Variants in NEURL1 observed in about 807,000 individuals in gnomAD.
NEURL1 encodes the protein E3 ubiquitin-protein ligase NEURL1.
Under a neutral mutation model 41.2 loss-of-function variants are expected in NEURL1, and 26 were observed. That is an observed-to-expected ratio of 0.63 (90% CI 0.46 to 0.87). The LOEUF (loss-of-function observed/expected upper bound fraction) is 0.87. Ranked by LOEUF, NEURL1 falls within the 40% of genes least tolerant of loss-of-function variation. NEURL1 has a pLI of 0.00. For synonymous variants in NEURL1, 400 were observed against 402.3 expected, an observed-to-expected ratio of 0.99 and a Z score of 0.07; for missense variants, 761 against 871.1, an observed-to-expected ratio of 0.87 and a Z score of 1.59.
rs923450362 is a variant in NEURL1 at position 103,545,458 on chromosome 10, T to C, written c.86-25414T>C. Among the ~76,000 whole-genome samples the C allele has an allele frequency of 2.0e-5, 3 of 152,192 alleles. No individual in the cohort carries two copies. Among genetic ancestry groups the C allele is most frequent in the Admixed American group, 6.5e-5 (1 of 15,282 alleles). On this transcript the variant is annotated intron_variant, in intron 1 of 5. Transcript: ENST00000369780. The surrounding 1 kb of genome is among the most constrained non-coding windows in gnomAD (Gnocchi z 4.5). ...GTGTAGTAGCAGGGGACAGAGTTCC[T>C]TCCTGGACTCAGTGGGGATGAGAGC...
chr10:103,554,787 G>A (rs1413550406), intron 1 of NEURL1, among the ~76,000 whole-genome samples: 1 of 152,202 alleles, frequency 6.6e-6, no homozygotes, highest in Admixed American at 6.5e-5. Context: ...AGCTCCATCA[G>A]CTTGATTGTG....
In NEURL1 at chr10:103,590,651, G is replaced by T; in HGVS notation, c.*279G>T. 2.1e-6 allele frequency: 1 copy of T among 479,838 alleles called. No individual in the cohort carries two copies. The highest frequency in any genetic ancestry group is 3.8e-5 in the East Asian group (1 of 26,406). 29.7% of individuals were successfully genotyped at this position (479,838 alleles called of 1,614,324 possible). A position where few individuals can be genotyped will look rare whatever the true frequency, so the allele number is the denominator to read the frequency against. On this transcript the variant is annotated 3_prime_UTR_variant, in exon 6 of 6. Coordinates refer to ENST00000369780, the MANE Select transcript of NEURL1 (RefSeq NM_004210.5). Reference sequence around the variant, plus strand: ...CCCAGCTCCTCTCTGCATGCTGAGGGCTAAATTGGGATCTCAGCCTGCCCT... The same window carrying T: ...CCCAGCTCCTCTCTGCATGCTGAGGTCTAAATTGGGATCTCAGCCTGCCCT...
chr10:103,562,279 A>C (rs962559778), intron 1 of NEURL1, among the ~76,000 whole-genome samples: 2 of 152,336 alleles, frequency 1.3e-5, no homozygotes, highest in Non-Finnish European at 2.9e-5. Flanking sequence ...GCTACTCAGG[A>C]GGCCGAGGCA....
intron 1 of NEURL1, chr10:103,555,449 C>T (rs2035130818): frequency 7.4e-7 from 1 of 1,343,514 alleles, no homozygotes. Context: ...CCCGCCCACC[C>T]CAGCCCGAGA....
rs572096133 is a variant in NEURL1 at position 103,558,430 on chromosome 10, G to A, written c.86-12442G>A. 2.0e-5 allele frequency among the ~76,000 whole-genome samples: 3 copies of A among 152,020 alleles called. No individual in the cohort carries two copies. Among genetic ancestry groups the A allele is most frequent in the Non-Finnish European group, 2.9e-5 (2 of 68,018 alleles). On this transcript the variant is annotated intron_variant, in intron 1 of 5. Coordinates refer to ENST00000369780, the MANE Select transcript of NEURL1 (RefSeq NM_004210.5). The surrounding 1 kb of genome is among the most constrained non-coding windows in gnomAD (Gnocchi z 4.2). ...TGTGTCTCTAACTGTGGATTGAAGC[G>A]ACTGTGTGTTGCCGGGCCTGTGTTT... is the stretch of plus-strand genomic sequence containing the variant.
At chr10:103,589,997 G>A (rs2036003779) in intron 5 of NEURL1, 137 bp from the exon 6 acceptor site, 1 of 914,338 alleles carries the variant, frequency 1.1e-6, no homozygotes, top group African/African-American at 1.6e-5. Context: ...CTTGTGCCCT[G>A]GAAGTTGGGT....
At chr10:103,533,305 T>C (rs1318493132) in intron 1 of NEURL1, among the ~76,000 whole-genome samples, 1 of 152,164 alleles carries the variant, frequency 6.6e-6, no homozygotes, top group Non-Finnish European at 1.5e-5. Context: ...GTAATTTTTC[T>C]TGACTTTTTT....
chr10:103,505,835 T>A (rs1191069314), intron 1 of NEURL1, among the ~76,000 whole-genome samples: 1 of 152,076 alleles, frequency 6.6e-6, no homozygotes, highest in Non-Finnish European at 1.5e-5. Flanking sequence ...ACCCCAGCCC[T>A]CCTGGCCAAG....
intron 1 of NEURL1, among the ~76,000 whole-genome samples, chr10:103,520,063 T>C (rs1262831946): frequency 6.6e-6 from 1 of 152,096 alleles, no homozygotes; most frequent in Non-Finnish European, 1.5e-5. Flanking sequence ...GGATAACAGG[T>C]GTAAGCCACT....
At chr10:103,547,181 G>A (rs1286274980) in intron 1 of NEURL1, among the ~76,000 whole-genome samples, 2 of 152,208 alleles carry the variant, frequency 1.3e-5, no homozygotes, top group African/African-American at 4.8e-5. Flanking sequence ...TTAGAACCAA[G>A]GTTTGAACCC....
Position 103,545,170 on chromosome 10 carries a change from G to A in NEURL1, c.86-25702G>A, listed in dbSNP as rs868791177. Reference sequence around the variant, plus strand: ...GCAGGGAACAGCTAGGAGCTAGAGCGGTGGGTTTCTGTCATTGCAGTCACC... The same window carrying A: ...GCAGGGAACAGCTAGGAGCTAGAGCAGTGGGTTTCTGTCATTGCAGTCACC... On this transcript the variant is annotated intron_variant, in intron 1 of 5. Transcript: ENST00000369780. This position sits in a 1 kb window ranked among gnomAD's most constrained non-coding sequence, Gnocchi z 4.5. 3.5e-4 allele frequency among the ~76,000 whole-genome samples: 53 copies of A among 152,314 alleles called. No individual in the cohort carries two copies. Among genetic ancestry groups the A allele is most frequent in the Middle Eastern group, 3.4e-3 (1 of 292 alleles).
At chr10:103,585,273 GGACGATCCGGGTAGGA>G (rs974466225) in intron 4 of NEURL1, 48 bp downstream of exon 4, 1 of 1,414,644 alleles carries the variant, frequency 7.1e-7, no homozygotes, top group African/African-American at 1.5e-5. Flanking sequence ...CTGGAGGCGG[GGACGATCCGGGTAGGA>G]GACAAAGGGC....
intron 1 of NEURL1, among the ~76,000 whole-genome samples, chr10:103,544,419 C>T (rs572392294): frequency 3.3e-5 from 5 of 152,284 alleles, no homozygotes; most frequent in Non-Finnish European, 7.4e-5. Flanking sequence ...GCTGCTTCTT[C>T]AGACAGTTTA....
In NEURL1 at chr10:103,585,322, A is replaced by C. The variant is rs1011025048; in HGVS notation, c.1339+97A>C. On this transcript the variant is annotated intron_variant, in intron 4 of 5. Coordinates refer to ENST00000369780, the MANE Select transcript of NEURL1 (RefSeq NM_004210.5). The stretch of plus-strand genomic sequence containing the variant: ...GGCGAGCTCCCCTTCCTCCAGGCTC[A>C]TGATGGTGTTGCTAAGGAATCACAG... 15 of 1,117,876 alleles carry C rather than the reference A, an allele frequency of 1.3e-5. No homozygotes were observed. The Admixed American group carries it at 3.4e-4, about 25-fold the overall frequency. 69.2% of individuals were successfully genotyped at this position (1,117,876 alleles called of 1,614,324 possible).
chr10:103,519,639 G>T (rs909866816), intron 1 of NEURL1, among the ~76,000 whole-genome samples: 7 of 152,052 alleles, frequency 4.6e-5, no homozygotes, highest in Non-Finnish European at 8.8e-5. Flanking sequence ...ACCCCTTAAG[G>T]GCTTATCCAG....
rs555169788 is a variant in NEURL1 at position 103,553,241 on chromosome 10, A to C, written c.86-17631A>C. Among the ~76,000 whole-genome samples, 4 of 152,288 alleles carry C rather than the reference A, an allele frequency of 2.6e-5. No individual in the cohort carries two copies. In the South Asian group the frequency reaches 8.3e-4, roughly 32 times the overall value. ...GTTGTCGTGAGGATTGAGCAAGTTA[A>C]ATGCGTCACACGCTCAGGGCAGTGT... is the stretch of plus-strand genomic sequence containing the variant. On this transcript the variant is annotated intron_variant, in intron 1 of 5. Transcript: ENST00000369780.
intron 1 of NEURL1, chr10:103,555,192 CG>C: frequency 2.0e-6 from 1 of 504,230 alleles, no homozygotes; most frequent in Non-Finnish European, 2.5e-6. Context: ...CGCGGGCGGG[CG>C]GCGTGCGCGT....
chr10:103,533,083 T>C (rs2034607063), intron 1 of NEURL1, among the ~76,000 whole-genome samples: 1 of 151,408 alleles, frequency 6.6e-6, no homozygotes, highest in Non-Finnish European at 1.5e-5. Context: ...CCCACCACCA[T>C]GCCTGGCTAT....
rs58080039 is a variant in NEURL1, at chr10:103,566,885, T to C, written c.86-3987T>C. Among the ~76,000 whole-genome samples the C allele has an allele frequency of 8.1e-3, 1,235 of 152,306 alleles. 17 individuals carry two copies. Among genetic ancestry groups the C allele is most frequent in the African/African-American group, 0.029 (1,198 of 41,556 alleles). On this transcript the variant is annotated intron_variant, in intron 1 of 5. Coordinates refer to ENST00000369780, the MANE Select transcript of NEURL1 (RefSeq NM_004210.5). This position sits in a 1 kb window ranked among gnomAD's most constrained non-coding sequence, Gnocchi z 4.2. ...GGCATACATATACATATATGTATCA[T>C]AGAGACAACATAATAGAATGCCATG...
Sources: gnomAD v4.1 joint callset for allele counts (sites outside exome capture counted in the v4.1 genomes callset) on GRCh38, gnomAD v4.1.1 for gene constraint, Gnocchi (gnomAD v3.1) non-coding constraint, MANE v1.5 for transcripts, NCBI Gene and HGNC (gene_info 2026-07-23, HGNC 2026-07-21) for gene names.